The following NBEA variants were observed in gnomAD, a reference collection of about 807,000 sequenced individuals.
NBEA encodes lysosomal-trafficking regulator 2.
In NBEA, 44 loss-of-function variants were observed where a neutral mutation model predicts 343.4. The observed-to-expected ratio is 0.13, with a 90% CI of 0.10 to 0.16. The LOEUF (loss-of-function observed/expected upper bound fraction) is 0.16, where lower values mean the gene tolerates loss of function less well. NBEA is among the 10% of genes least tolerant of loss of function. The pLI is 1.00. For missense variants in NBEA, 2,555 were observed against 3,631.3 expected (o/e 0.70, Z 7.62); for synonymous variants, 1,175 against 1,238.7 (o/e 0.95, Z 1.08).
At chr13:35,236,503 G>C (rs1027344689) in intron 34 of NBEA, among the ~76,000 whole-genome samples, 1 of 152,020 alleles carries the variant, frequency 6.6e-6, no homozygotes, top group Non-Finnish European at 1.5e-5. Context: ...CTGGAGTGTA[G>C]TGGCACTATC....
intron 41 of NBEA, among the ~76,000 whole-genome samples, chr13:35,486,071 A>G (rs1292308429): frequency 6.6e-6 from 1 of 152,044 alleles, no homozygotes; most frequent in Non-Finnish European, 1.5e-5. Context: ...TCTTCTCTTC[A>G]CCTGAATGAA....
At chr13:35,110,757 G>A (rs2066161836) in intron 12 of NBEA, 53 bp from the exon 13 acceptor site, 2 of 1,441,816 alleles carry the variant, frequency 1.4e-6, no homozygotes, top group East Asian at 2.3e-5. Flanking sequence ...TATAATATGA[G>A]CACTTGAGGC....
intron 41 of NBEA, among the ~76,000 whole-genome samples, chr13:35,499,378 C>T (rs2076801394): frequency 6.6e-6 from 1 of 152,048 alleles, no homozygotes; most frequent in South Asian, 2.1e-4. Context: ...GAGTGACTGA[C>T]TAGAAAGTGC....
intron 36 of NBEA, among the ~76,000 whole-genome samples, chr13:35,324,554 A>T (rs2038405431): frequency 6.6e-6 from 1 of 152,220 alleles, no homozygotes; most frequent in Non-Finnish European, 1.5e-5. Flanking sequence ...CTTATTAATT[A>T]CAATGTATCT....
At chr13:35,589,683 C>T (rs1004339821) in intron 46 of NBEA, among the ~76,000 whole-genome samples, 2 of 152,006 alleles carry the variant, frequency 1.3e-5, no homozygotes, top group Non-Finnish European at 2.9e-5. Flanking sequence ...AACAGGGAAA[C>T]GGCATTAGAT....
At chr13:35,002,963 A>AT (rs1259516356) in intron 1 of NBEA, among the ~76,000 whole-genome samples, 1 of 152,174 alleles carries the variant, frequency 6.6e-6, no homozygotes, top group East Asian at 1.9e-4. Flanking sequence ...TGCAAGGTAC[A>AT]TACCGTAAGC....
intron 36 of NBEA, among the ~76,000 whole-genome samples, chr13:35,348,660 T>C (rs1240086199): frequency 6.6e-6 from 1 of 152,004 alleles, no homozygotes; most frequent in African/African-American, 2.4e-5. Flanking sequence ...AATTCAAATT[T>C]AACTGGGCAT....
intron 38 of NBEA, among the ~76,000 whole-genome samples, chr13:35,387,009 A>G (rs2042273318): frequency 1.3e-5 from 2 of 152,130 alleles, no homozygotes. Context: ...TCACTGAAGT[A>G]GTGATTTTTT....
chr13:35,035,945 G>A (rs1185361023), intron 1 of NBEA, among the ~76,000 whole-genome samples: 1 of 151,882 alleles, frequency 6.6e-6, no homozygotes, highest in Non-Finnish European at 1.5e-5. Context: ...AGACCAATAG[G>A]TCTTGCTCTT....
intron 44 of NBEA, among the ~76,000 whole-genome samples, chr13:35,563,495 T>A (rs1193759531): frequency 1.3e-5 from 2 of 151,950 alleles, no homozygotes; most frequent in Non-Finnish European, 2.9e-5. Context: ...CACTCTTTTT[T>A]TCCATGTAAC....
At chr13:35,175,963 A>G (rs557741615) in intron 27 of NBEA, among the ~76,000 whole-genome samples, 1 of 152,262 alleles carries the variant, frequency 6.6e-6, no homozygotes, top group East Asian at 1.9e-4. Context: ...AAATATTTCT[A>G]ATCTTAAAAT....
intron 32 of NBEA, among the ~76,000 whole-genome samples, chr13:35,210,040 C>A (rs879363018): frequency 6.6e-6 from 1 of 151,830 alleles, no homozygotes; most frequent in African/African-American, 2.4e-5. Context: ...AAAGTATATA[C>A]GTTAAAAGTG....
intron 10 of NBEA, among the ~76,000 whole-genome samples, chr13:35,085,162 G>C: frequency 6.6e-6 from 1 of 152,094 alleles, no homozygotes; most frequent in East Asian, 1.9e-4. Context: ...GTACAAGGAG[G>C]AGCTGGTACC....
At chr13:35,475,536 C>G in intron 41 of NBEA, 2 of 1,613,038 alleles carry the variant, frequency 1.2e-6, no homozygotes, top group Non-Finnish European at 1.7e-6. Flanking sequence ...CCTTGACCTC[C>G]GCCACCCGGT....
intron 41 of NBEA, among the ~76,000 whole-genome samples, chr13:35,520,634 C>A (rs1223177574): frequency 6.6e-6 from 1 of 152,124 alleles, no homozygotes; most frequent in Non-Finnish European, 1.5e-5. Context: ...ATCTCTCTCT[C>A]TTTTTTCCAA....
intron 30 of NBEA, among the ~76,000 whole-genome samples, chr13:35,189,389 G>A (rs1230715456): frequency 2.0e-5 from 3 of 151,994 alleles, no homozygotes; most frequent in Admixed American, 6.6e-5. Flanking sequence ...TGGGTTATTT[G>A]TTTTGTTGCT....
rs760048194 is a variant in NBEA, at chr13:34,946,558, TTTAA to T, written c.294+3448_294+3451del. On this transcript the variant is annotated intron_variant, in intron 1 of 58. Coordinates refer to ENST00000379939, the MANE Select transcript of NBEA (RefSeq NM_001385012.1). ...TAATTCTATGATTATAATTATGGAA[TTTAA>T]TTATAGACAAATTTTTTATGAATAA... 1.2e-3 allele frequency among the ~76,000 whole-genome samples: 184 copies of T among 152,108 alleles called. 2 individuals are homozygous for T. The highest frequency in any genetic ancestry group is 3.8e-3 in the African/African-American group (156 of 41,556).
At chr13:35,554,872 G>A (rs551931549) in intron 43 of NBEA, 115 bp from the exon 44 acceptor site, 1 of 484,554 alleles carries the variant, frequency 2.1e-6, no homozygotes, top group African/African-American at 2.0e-5. Context: ...ATCTAAGAAG[G>A]ATAAACCATA....
intron 18 of NBEA, among the ~76,000 whole-genome samples, chr13:35,149,681 A>G (rs73502418): frequency 0.016 from 2,368 of 152,204 alleles, 63 homozygotes; most frequent in African/African-American, 0.054. Flanking sequence ...TGCCTATGTA[A>G]GTTTTTAATC....
Sources: allele counts gnomAD v4.1 joint callset (sites outside exome capture counted in the v4.1 genomes callset), GRCh38; gene constraint gnomAD v4.1.1; transcripts MANE v1.5; gene names NCBI Gene and HGNC (gene_info 2026-07-23, HGNC 2026-07-21).